Variants in SORCS1 observed in about 807,000 individuals in gnomAD.
The protein encoded by SORCS1 is sortilin related VPS10 domain containing receptor 1.
SORCS1 carries 60 observed loss-of-function variants against 146.1 expected under a neutral mutation model. The ratio of observed to expected loss-of-function variants is 0.41; its 90% CI spans 0.33 to 0.51. SORCS1 has a LOEUF of 0.51. Ranked by LOEUF, SORCS1 falls within the 20% of genes least tolerant of loss-of-function variation. The pLI is 0.21. For missense variants in SORCS1, 1,352 were observed against 1,487.6 expected, an observed-to-expected ratio of 0.91 and a Z score of 1.50; for synonymous variants, 637 against 584.0, an observed-to-expected ratio of 1.09 and a Z score of -1.31.
At chr10:107,071,312 C>T (rs747973576) in intron 1 of SORCS1, among the ~76,000 whole-genome samples, 6 of 152,100 alleles carry the variant, frequency 3.9e-5, no homozygotes, top group East Asian at 1.9e-4. Flanking sequence ...CCTTTACTAC[C>T]GTAACAGTGT....
intron 2 of SORCS1, among the ~76,000 whole-genome samples, chr10:106,943,638 T>C (rs1954164296): frequency 7.1e-6 from 1 of 141,328 alleles, no homozygotes; most frequent in African/African-American, 2.5e-5. Context: ...AAACCCCATC[T>C]CTACTAAAAA....
chr10:107,157,322 T>C (rs11193223), intron 1 of SORCS1, among the ~76,000 whole-genome samples: 6,334 of 152,268 alleles, frequency 0.042, 320 homozygotes, highest in African/African-American at 0.12. Context: ...CAGCAGTGGG[T>C]CAAACCAAGA....
intron 3 of SORCS1, among the ~76,000 whole-genome samples, chr10:106,817,731 A>G (rs1403664634): frequency 1.3e-5 from 2 of 152,208 alleles, no homozygotes; most frequent in Non-Finnish European, 2.9e-5. Flanking sequence ...TTCCAACTAC[A>G]TAGTTCTCCC....
chr10:106,750,954 G>C (rs1397911804), intron 5 of SORCS1, among the ~76,000 whole-genome samples: 1 of 148,068 alleles, frequency 6.8e-6, no homozygotes. Context: ...AGCTACTAGG[G>C]AGGCTGAGGC....
At chr10:106,899,564 T>C (rs74152270) in intron 2 of SORCS1, among the ~76,000 whole-genome samples, 3,483 of 151,532 alleles carry the variant, frequency 0.023, 126 homozygotes, top group African/African-American at 0.079. Flanking sequence ...CTGTTTACTA[T>C]TACTTAAATC....
intron 16 of SORCS1, among the ~76,000 whole-genome samples, chr10:106,668,928 G>A (rs1363891746): frequency 5.3e-5 from 8 of 152,106 alleles, no homozygotes; most frequent in Non-Finnish European, 1.2e-4. Context: ...ACAGCCAGGT[G>A]TAATCACCGA....
rs184161806 is a variant in SORCS1 at position 106,760,568 on chromosome 10, G to C, written c.959+1020C>G. Reference sequence around the variant, plus strand: ...GGAGTCGTTAGCAGGAACCAAATCTGCCGGCACATTGATCTCGAACTCCCC... The same window carrying C: ...GGAGTCGTTAGCAGGAACCAAATCTCCCGGCACATTGATCTCGAACTCCCC... On this transcript the variant is annotated intron_variant, in intron 5 of 25. Transcript: ENST00000263054. Among the ~76,000 whole-genome samples, 78 of 151,620 alleles carry C rather than the reference G, an allele frequency of 5.1e-4. 1 individual carries two copies. The East Asian group carries it at 0.015, about 28-fold the overall frequency.
At chr10:106,773,236 T>C (rs1216444466) in intron 4 of SORCS1, among the ~76,000 whole-genome samples, 1 of 152,204 alleles carries the variant, frequency 6.6e-6, no homozygotes, top group East Asian at 1.9e-4. Flanking sequence ...CATGAAAGAA[T>C]AAATGTTCCT....
chr10:107,070,174 G>C (rs1590065521), intron 1 of SORCS1, among the ~76,000 whole-genome samples: 1 of 152,160 alleles, frequency 6.6e-6, no homozygotes, highest in Non-Finnish European at 1.5e-5. Context: ...TTTTATGGCT[G>C]AGTAATATCC....
chr10:106,590,305 T>C (rs1845524518), intron 24 of SORCS1, among the ~76,000 whole-genome samples: 3 of 152,188 alleles, frequency 2.0e-5, no homozygotes, highest in Non-Finnish European at 4.4e-5. Context: ...TAGTAAAGTT[T>C]CATGCAACTA....
intron 6 of SORCS1, among the ~76,000 whole-genome samples, chr10:106,729,321 T>C (rs1345777316): frequency 6.6e-6 from 1 of 152,244 alleles, no homozygotes; most frequent in Non-Finnish European, 1.5e-5. Context: ...AGTGTAGTCC[T>C]GTCCTTCACT....
chr10:106,667,893 A>G (rs2135438734), intron 16 of SORCS1, 91 bp from the exon 17 acceptor site: 1 of 734,156 alleles, frequency 1.4e-6, no homozygotes, highest in Non-Finnish European at 2.3e-6. Context: ...TTCCACACTA[A>G]TCAATTAGTC....
chr10:106,816,832 G>A (rs1416665450), intron 3 of SORCS1, among the ~76,000 whole-genome samples: 1 of 152,168 alleles, frequency 6.6e-6, no homozygotes, highest in East Asian at 1.9e-4. Flanking sequence ...ATTACAGCAA[G>A]CACTGGCGCT....
chr10:106,831,148 G>A (rs1051170837), intron 2 of SORCS1, among the ~76,000 whole-genome samples: 1 of 150,182 alleles, frequency 6.7e-6, no homozygotes, highest in African/African-American at 2.5e-5. Context: ...AGCCAAGATC[G>A]TGCCACTGCA....
In SORCS1 at chr10:106,620,503, G is replaced by A. The variant is rs987523608; in HGVS notation, c.2721C>T (p.Val907=). The change falls in exon 20 of 26, where the codon GTC becomes GTT. Residue 907 remains valine (V), a synonymous_variant. Coordinates refer to ENST00000263054, the MANE Select transcript of SORCS1 (RefSeq NM_052918.5). The part of the protein sequence containing the change: ...LPFVTTKNKE[V]NATAVLWPSQ... ...TGGGCCACAGCACTGCCGTCGCATT[G>A]ACCTCTTTGTTCTTTGTGGTGACAA... The A allele has an allele frequency of 6.2e-6, 10 of 1,613,990 alleles. No individual in the cohort carries two copies. The African/African-American group carries it at 9.3e-5, about 15-fold the overall frequency.
rs201709194 is a variant in SORCS1, at chr10:106,614,629, C to T, written c.2921-2606G>A. Among the ~76,000 whole-genome samples, 81 of 152,174 alleles carry T rather than the reference C, an allele frequency of 5.3e-4. 2 individuals carry two copies. In the East Asian group the frequency reaches 0.015, roughly 29 times the overall value. On this transcript the variant is annotated intron_variant, in intron 21 of 25. Transcript: ENST00000263054. The stretch of plus-strand genomic sequence containing the variant: ...AAGTTTATGTCATTCTCACTTTCTC[C>T]GTACCTCTTACCAAACTGCAGAGAC...
intron 1 of SORCS1, among the ~76,000 whole-genome samples, chr10:107,141,328 C>G (rs572676618): frequency 1.3e-5 from 2 of 152,120 alleles, no homozygotes; most frequent in Non-Finnish European, 2.9e-5. Flanking sequence ...AATACTGAAA[C>G]AAATTAAAAT....
chr10:106,903,026 G>A (rs1327363014), intron 2 of SORCS1, among the ~76,000 whole-genome samples: 1 of 152,100 alleles, frequency 6.6e-6, no homozygotes, highest in Non-Finnish European at 1.5e-5. Flanking sequence ...TGCAGTGAAT[G>A]GAGATCACGC....
chr10:107,031,478 A>G (rs1215829691), intron 1 of SORCS1, among the ~76,000 whole-genome samples: 1 of 144,168 alleles, frequency 6.9e-6, no homozygotes, highest in Non-Finnish European at 1.5e-5. Context: ...ACCGCCTTGA[A>G]TGACTATTTC....
Sources: allele counts gnomAD v4.1 joint callset (sites outside exome capture counted in the v4.1 genomes callset), GRCh38; gene constraint gnomAD v4.1.1; transcripts MANE v1.5; gene names NCBI Gene and HGNC (gene_info 2026-07-23, HGNC 2026-07-21).